The following SI variants were observed in gnomAD, a reference collection of about 807,000 sequenced individuals.
SI encodes sucrase-isomaltase, intestinal.
In SI, 235 loss-of-function variants were observed where a neutral mutation model predicts 253.3. The observed-to-expected ratio is 0.93, with a 90% confidence interval of 0.83 to 1.03. The LOEUF (loss-of-function observed/expected upper bound fraction) is 1.03. Ranked by LOEUF, SI falls within the 50% of genes least tolerant of loss-of-function variation. SI has a pLI of 0.00. For missense variants in SI, 2,442 were observed against 2,211.1 expected, an observed-to-expected ratio of 1.10 and a Z score of -2.09; for synonymous variants, 819 against 712.0, an observed-to-expected ratio of 1.15 and a Z score of -2.39.
Position 165,067,424 on chromosome 3 carries a change from G to C in SI, c.551C>G (p.Thr184Arg). 6.2e-7 allele frequency: 1 copy of C among 1,611,714 alleles called. No homozygotes were observed. Among genetic ancestry groups the C allele is most frequent in the Non-Finnish European group, 8.5e-7 (1 of 1,178,074 alleles). The change falls in exon 6 of 48, where the codon ACA becomes AGA. Residue 184 changes from threonine to arginine, a missense_variant. Coordinates refer to ENST00000264382, the MANE Select transcript of SI (RefSeq NM_001041.4). The stretch of plus-strand genomic sequence containing the variant: ...CACATCATACAACGTATCAGAAACT[G>C]TGGGTCCAGTAAACTCTTTTACATA... Reference protein sequence around the residue: ...HQYVKEFTGPTVSDTLYDVKV... With the variant: ...HQYVKEFTGPRVSDTLYDVKV...
the SI span, among the ~76,000 whole-genome samples, chr3:165,087,284 C>A: frequency 3.0e-4 from 46 of 152,170 alleles, 1 homozygote; most frequent in South Asian, 9.3e-3. Flanking sequence ...TACACAGCAC[C>A]TGCTATAATG....
upstream of SI, among the ~76,000 whole-genome samples, chr3:165,081,368 C>T (rs1715316960): frequency 6.6e-6 from 1 of 151,892 alleles, no homozygotes; most frequent in African/African-American, 2.4e-5. Flanking sequence ...TGGTGATTGA[C>T]ACCTAGTGTA....
At chr3:165,041,365 A>G (rs1712822289) in intron 17 of SI, among the ~76,000 whole-genome samples, 3 of 152,046 alleles carry the variant, frequency 2.0e-5, no homozygotes, top group Admixed American at 2.0e-4. Context: ...ACAAAATAGA[A>G]TTTTTATCTT....
At chr3:165,021,092 G>A (rs1711583354) in intron 27 of SI, 137 bp downstream of exon 27, 4 of 709,908 alleles carry the variant, frequency 5.6e-6, no homozygotes, top group South Asian at 5.1e-5. Flanking sequence ...ATATTAAAAT[G>A]GGCAAAGTTA....
chr3:165,030,933 C>T (rs968570295), intron 24 of SI, 66 bp from the exon 25 acceptor site: 2 of 1,471,206 alleles, frequency 1.4e-6, no homozygotes, highest in South Asian at 1.3e-5. Flanking sequence ...AAACATTAAA[C>T]ACTGTATCTG....
intron 1 of SI, among the ~76,000 whole-genome samples, chr3:165,076,415 G>A (rs1437410912): frequency 6.6e-6 from 1 of 151,752 alleles, no homozygotes; most frequent in Non-Finnish European, 1.5e-5. Flanking sequence ...ACAATTCTAT[G>A]AAGGAAATAG....
chr3:164,988,159 G>A (rs1717532114), intron 44 of SI, among the ~76,000 whole-genome samples: 1 of 152,108 alleles, frequency 6.6e-6, no homozygotes, highest in Admixed American at 6.6e-5. Flanking sequence ...TAATTTACCA[G>A]ACCAATTGTT....
intron 27 of SI, 111 bp from the exon 28 acceptor site, chr3:165,019,881 A>C (rs1172657876): frequency 5.1e-6 from 5 of 983,654 alleles, no homozygotes; most frequent in Non-Finnish European, 7.8e-6. Context: ...ATTATTTTCC[A>C]TATTCCTAAT....
intron 19 of SI, 112 bp downstream of exon 19, chr3:165,039,775 C>T (rs1191179362): frequency 2.6e-6 from 2 of 779,518 alleles, no homozygotes; most frequent in African/African-American, 3.4e-5. Context: ...TGATGTTTAT[C>T]AGCTTGAAAC....
intron 47 of SI, among the ~76,000 whole-genome samples, chr3:164,980,908 G>A (rs1011922448): frequency 2.4e-4 from 37 of 151,828 alleles, no homozygotes; most frequent in African/African-American, 3.6e-4. Context: ...AAGCCAAACC[G>A]TCTTTTCTTT....
intron 10 of SI, 80 bp from the exon 11 acceptor site, chr3:165,059,379 G>C (rs1713876115): frequency 7.5e-7 from 1 of 1,340,480 alleles, no homozygotes; most frequent in African/African-American, 1.4e-5. Context: ...TCCATTGAAC[G>C]TGTATTATAA....
At chr3:164,980,838 A>C (rs1444343312) in intron 47 of SI, among the ~76,000 whole-genome samples, 1 of 152,034 alleles carries the variant, frequency 6.6e-6, no homozygotes, top group Admixed American at 6.6e-5. Flanking sequence ...TTTTACCATA[A>C]AAGTTGTGAG....
At chr3:165,025,935 G>C (rs554271416) in intron 25 of SI, among the ~76,000 whole-genome samples, 2 of 150,486 alleles carry the variant, frequency 1.3e-5, no homozygotes, top group South Asian at 4.2e-4. Flanking sequence ...AAAAAAACAA[G>C]GTATACAGGA....
intron 25 of SI, among the ~76,000 whole-genome samples, chr3:165,027,289 A>G (rs1234294103): frequency 6.6e-6 from 1 of 151,282 alleles, no homozygotes; most frequent in African/African-American, 2.4e-5. Context: ...GATCAATAAC[A>G]AGAAGTGAGA....
At chr3:165,049,985 G>C (rs937994922) in intron 13 of SI, 110 bp from the exon 14 acceptor site, 1 of 709,922 alleles carries the variant, frequency 1.4e-6, no homozygotes. Context: ...CATAATGCTC[G>C]TTAATTCCTA....
At chr3:165,068,480 TCTCCTGC>T (rs1221665741) in intron 5 of SI, among the ~76,000 whole-genome samples, 1 of 152,062 alleles carries the variant, frequency 6.6e-6, no homozygotes, top group Non-Finnish European at 1.5e-5. Flanking sequence ...TTCTCGCCAT[TCTCCTGC>T]CTCAGCCTCC....
chr3:164,994,217 G>T (rs560565175), intron 41 of SI, 40 bp downstream of exon 41: 4 of 1,573,806 alleles, frequency 2.5e-6, no homozygotes, highest in South Asian at 1.1e-5. Flanking sequence ...TAAGTGAAAA[G>T]TATCTCTCTG....
intron 31 of SI, 112 bp downstream of exon 31, chr3:165,017,436 A>T (rs1170910922): frequency 1.9e-6 from 2 of 1,031,292 alleles, no homozygotes; most frequent in African/African-American, 1.6e-5. Context: ...GTGCCAGTAA[A>T]AAAAGCTAAG....
At chr3:165,071,070 G>A (rs1029345007) in intron 3 of SI, among the ~76,000 whole-genome samples, 2 of 151,946 alleles carry the variant, frequency 1.3e-5, no homozygotes, top group African/African-American at 4.8e-5. Flanking sequence ...TTAGTCATTC[G>A]ACGCAAGGCC....
Sources: gnomAD v4.1 joint callset for allele counts (sites outside exome capture counted in the v4.1 genomes callset) on GRCh38, gnomAD v4.1.1 for gene constraint, MANE v1.5 for transcripts, NCBI Gene and HGNC (gene_info 2026-07-23, HGNC 2026-07-21) for gene names.